Variants in STK32B observed in about 807,000 individuals in gnomAD.
STK32B encodes serine/threonine-protein kinase 32B.
A neutral mutation model predicts 52.6 loss-of-function variants in STK32B; 43 were observed. The ratio of observed to expected loss-of-function variants is 0.82; its 90% CI spans 0.64 to 1.05. The LOEUF is 1.05. Ranked by LOEUF, STK32B falls within the 50% of genes least tolerant of loss-of-function variation. The pLI is 0.00. For synonymous variants in STK32B, 238 were observed against 204.3 expected, an observed-to-expected ratio of 1.17 and a Z score of -1.41; for missense variants, 621 against 534.6, an observed-to-expected ratio of 1.16 and a Z score of -1.59.
Position 5,499,174 on chromosome 4 carries a change from C to T in STK32B, c.*91C>T. On this transcript the variant is annotated 3_prime_UTR_variant, in exon 12 of 12. Transcript: ENST00000282908. ...TTGTGCCCTGATGGTCCCTGTCTCA[C>T]CCCTGAAAACATCAGATGCAGAAAA... is the stretch of plus-strand genomic sequence containing the variant. 2 of 1,433,206 alleles carry T rather than the reference C, an allele frequency of 1.4e-6. No homozygotes were observed. Among genetic ancestry groups the T allele is most frequent in the Non-Finnish European group, 1.8e-6 (2 of 1,082,910 alleles). The allele number at this position is 1,433,206 out of a possible 1,614,324, so 88.8% of individuals were successfully genotyped here.
At chr4:5,055,131 C>G (rs1424133475) in intron 1 of STK32B, among the ~76,000 whole-genome samples, 1 of 152,116 alleles carries the variant, frequency 6.6e-6, no homozygotes, top group African/African-American at 2.4e-5. Flanking sequence ...ACTCTGTCAC[C>G]CAGGCTGGAG....
chr4:5,100,935 G>A (rs1480676731), intron 1 of STK32B, among the ~76,000 whole-genome samples: 1 of 148,046 alleles, frequency 6.8e-6, no homozygotes, highest in Admixed American at 6.9e-5. Flanking sequence ...ATCTCACTCT[G>A]TCCCCCAGGC....
intron 4 of STK32B, among the ~76,000 whole-genome samples, chr4:5,383,997 G>A (rs16837073): frequency 0.029 from 4,343 of 152,282 alleles, 213 homozygotes; most frequent in African/African-American, 0.098. Flanking sequence ...GGGGAGCTGG[G>A]CGATCATCAC....
At chr4:5,496,266 G>T (rs543821912) in intron 11 of STK32B, among the ~76,000 whole-genome samples, 135 of 152,352 alleles carry the variant, frequency 8.9e-4, no homozygotes, top group African/African-American at 2.7e-3. Context: ...GTTTACCTAA[G>T]CAAGCCTGGG....
intron 3 of STK32B, among the ~76,000 whole-genome samples, chr4:5,196,641 A>C (rs1721698235): frequency 6.6e-6 from 1 of 151,904 alleles, no homozygotes; most frequent in African/African-American, 2.4e-5. Context: ...GAATTGCTTG[A>C]ACCCGGGAGG....
At chr4:5,174,436 A>G (rs1207327073) in intron 3 of STK32B, among the ~76,000 whole-genome samples, 19 of 152,204 alleles carry the variant, frequency 1.2e-4, no homozygotes, top group African/African-American at 3.9e-4. Context: ...GCAGTGGCTG[A>G]TACCGGTTGT....
At chr4:5,223,811 C>T (rs1219256602) in intron 3 of STK32B, among the ~76,000 whole-genome samples, 8 of 112,844 alleles carry the variant, frequency 7.1e-5, no homozygotes, top group African/African-American at 2.4e-4. Flanking sequence ...AGCAAGACTC[C>T]GTTTCAAAAA....
chr4:5,337,869 A>G (rs139671831), intron 4 of STK32B, among the ~76,000 whole-genome samples: 76 of 152,316 alleles, frequency 5.0e-4, no homozygotes, highest in African/African-American at 1.6e-3. Context: ...CAAAAACTCA[A>G]TTATACTCTA....
At chr4:5,100,292 C>T in intron 1 of STK32B, among the ~76,000 whole-genome samples, 1 of 152,122 alleles carries the variant, frequency 6.6e-6, no homozygotes, top group East Asian at 1.9e-4. Flanking sequence ...AGGAGCACTG[C>T]TGTGGAAGGA....
chr4:5,482,101 GT>G (rs1455319245), intron 11 of STK32B, among the ~76,000 whole-genome samples: 1 of 152,172 alleles, frequency 6.6e-6, no homozygotes, highest in Non-Finnish European at 1.5e-5. Context: ...CTTTAAAGTA[GT>G]TTTTTCCAAT....
intron 1 of STK32B, among the ~76,000 whole-genome samples, chr4:5,136,021 AAATTCAGGAGGTG>A (rs1339578067): frequency 2.2e-4 from 33 of 152,288 alleles, no homozygotes; most frequent in African/African-American, 7.9e-4. Flanking sequence ...GCCTCCTTAG[AAATTCAGGAGGTG>A]AATTCAGGAG....
rs533782099 is a variant in STK32B, at chr4:5,371,398, C to G, written c.435-26809C>G. 2.0e-5 allele frequency among the ~76,000 whole-genome samples: 3 copies of G among 152,220 alleles called. 1 individual carries two copies. The highest frequency in any genetic ancestry group is 7.2e-5 in the African/African-American group (3 of 41,524). On this transcript the variant is annotated intron_variant, in intron 4 of 11. Coordinates refer to ENST00000282908, the MANE Select transcript of STK32B (RefSeq NM_018401.3). ...AGGGTTTCTTGCTAAAGTGACTTAG[C>G]AGGAATCTTGCTAAAACTGGATTTA...
intron 4 of STK32B, among the ~76,000 whole-genome samples, chr4:5,361,283 T>C (rs1734529936): frequency 6.6e-6 from 1 of 152,264 alleles, no homozygotes; most frequent in Non-Finnish European, 1.5e-5. Context: ...TAAACTTAAA[T>C]GTACAGATAT....
In STK32B at chr4:5,065,190, A is replaced by G. The variant is rs190716241; in HGVS notation, c.52+13275A>G. On this transcript the variant is annotated intron_variant, in intron 1 of 11. Coordinates refer to ENST00000282908, the MANE Select transcript of STK32B (RefSeq NM_018401.3). ...GGACCCAGAACCTACACCAGTTTTC[A>G]AAAAGGGAAAATGTAATTCCAAGAA... Among the ~76,000 whole-genome samples, 248 of 152,282 alleles carry G rather than the reference A, an allele frequency of 1.6e-3. 1 individual carries two copies. The highest frequency in any genetic ancestry group is 5.8e-3 in the African/African-American group (241 of 41,554).
chr4:5,333,934 G>C (rs1246868418), intron 4 of STK32B, among the ~76,000 whole-genome samples: 6 of 152,120 alleles, frequency 3.9e-5, no homozygotes, highest in Non-Finnish European at 5.9e-5. Context: ...TGTTCTTTTG[G>C]CTTAGGATTG....
chr4:5,159,109 A>G (rs1310140196), intron 2 of STK32B, among the ~76,000 whole-genome samples: 1 of 152,208 alleles, frequency 6.6e-6, no homozygotes, highest in East Asian at 1.9e-4. Flanking sequence ...AAGCGGCAGG[A>G]GGACACTGCT....
intron 3 of STK32B, among the ~76,000 whole-genome samples, chr4:5,180,262 T>C (rs1720253716): frequency 6.6e-6 from 1 of 152,236 alleles, no homozygotes; most frequent in African/African-American, 2.4e-5. Flanking sequence ...AGACTCACCA[T>C]GTCCTAATGC....
chr4:5,385,825 C>T (rs1736212181), intron 4 of STK32B, among the ~76,000 whole-genome samples: 1 of 151,768 alleles, frequency 6.6e-6, no homozygotes, highest in Non-Finnish European at 1.5e-5. Context: ...GCCTCGCCCA[C>T]AGTCCCACCC....
chr4:5,459,538 G>T (rs924087250), intron 8 of STK32B, among the ~76,000 whole-genome samples: 1 of 152,206 alleles, frequency 6.6e-6, no homozygotes. Flanking sequence ...AAGTTGGGAG[G>T]CCCGCTGGGA....
Sources: allele counts gnomAD v4.1 joint callset (sites outside exome capture counted in the v4.1 genomes callset), GRCh38; gene constraint gnomAD v4.1.1; transcripts MANE v1.5; gene names NCBI Gene and HGNC (gene_info 2026-07-23, HGNC 2026-07-21).